CAVIN1: variants seen among roughly 807,000 people sequenced by gnomAD.
CAVIN1 encodes caveolae associated protein 1.
CAVIN1 carries 16 observed loss-of-function variants against 24.0 expected under a neutral mutation model. The observed-to-expected ratio is 0.67, with a 90% CI of 0.45 to 1.01. CAVIN1 has a LOEUF of 1.01. Ranked by LOEUF, CAVIN1 falls within the 50% of genes least tolerant of loss-of-function variation. The probability of loss-of-function intolerance (pLI) is 0.00; values close to 1 mark genes in which losing one functional copy is unlikely to be tolerated. For synonymous variants in CAVIN1, 256 were observed against 256.4 expected (o/e 1.00, Z 0.02); for missense variants, 510 against 551.7 (o/e 0.92, Z 0.76).
chr17:42,419,882 C>CGTGTGT (rs5820458), intron 1 of CAVIN1, among the ~76,000 whole-genome samples: 9,678 of 143,686 alleles, frequency 0.067, 373 homozygotes, highest in African/African-American at 0.093. Context: ...TGCTGAATTT[C>CGTGTGT]GTGTGTGTGT....
Position 42,423,171 on chromosome 17 carries a change from C to CCG in CAVIN1, c.-75_-74insCG. On this transcript the variant is annotated 5_prime_UTR_variant, in exon 1 of 2. Coordinates refer to ENST00000357037, the MANE Select transcript of CAVIN1 (RefSeq NM_012232.6). The stretch of plus-strand genomic sequence containing the variant: ...CGGGAGACCCGGAGAGAAGCAGGAG[C>CCG]GGAAGGGAGGAGAGCTAGCGGGCGA... 1 of 1,221,132 alleles carries CCG rather than the reference C, an allele frequency of 8.2e-7. No homozygotes were observed. Among genetic ancestry groups the CCG allele is most frequent in the Non-Finnish European group, 1.1e-6 (1 of 883,820 alleles). The allele number at this position is 1,221,132 out of a possible 1,614,324, so 75.6% of individuals were successfully genotyped here. A position where few individuals can be genotyped will look rare whatever the true frequency, so the allele number is the denominator to read the frequency against.
Position 42,422,801 on chromosome 17 carries a change from C to A in CAVIN1, c.297G>T (p.Ala99=), listed in dbSNP as rs760075971. The A allele has an allele frequency of 6.2e-7, 1 of 1,613,668 alleles. No individual in the cohort carries two copies. The highest frequency in any genetic ancestry group is 1.1e-5 in the South Asian group (1 of 91,018). ...IQGELSKLGK[A]HATTSNTVSK... is the part of the protein sequence containing the mutation. ...TCACCGTATTGCTCGTGGTGGCGTGCGCCTTGCCCAGCTTGCTCAGCTCGC... is the reference window on the plus strand; with the variant it reads ...TCACCGTATTGCTCGTGGTGGCGTGAGCCTTGCCCAGCTTGCTCAGCTCGC... Residue 99 remains alanine (A), a synonymous_variant, in exon 1 of 2, where the codon GCG becomes GCT. Coordinates refer to ENST00000357037, the MANE Select transcript of CAVIN1 (RefSeq NM_012232.6).
intron 1 of CAVIN1, among the ~76,000 whole-genome samples, chr17:42,412,795 T>A (rs2085487787): frequency 6.6e-6 from 1 of 151,380 alleles, no homozygotes; most frequent in African/African-American, 2.4e-5. Context: ...TTTTATACTT[T>A]TAGTAGAGAC....
At position 42,404,381 on chromosome 17, in the gene CAVIN1, C is replaced by G. The variant is rs570706046; in HGVS notation, c.*306G>C. ...AGAGGCTGAGGGGAAGGCAGCCCCC[C>G]CAGGGGGGCCTAACCGTGGAATCAC... On this transcript the variant is annotated 3_prime_UTR_variant, in exon 2 of 2. Transcript: ENST00000357037. 2 of 252,748 alleles carry G rather than the reference C, an allele frequency of 7.9e-6. No homozygotes were observed. The highest frequency in any genetic ancestry group is 1.1e-4 in the Admixed American group (2 of 17,928). 15.7% of individuals were successfully genotyped at this position (252,748 alleles called of 1,614,324 possible).
intron 1 of CAVIN1, among the ~76,000 whole-genome samples, chr17:42,408,780 C>T (rs910640533): frequency 3.4e-5 from 5 of 147,642 alleles, no homozygotes; most frequent in South Asian, 2.2e-4. Flanking sequence ...CCTAAGCCAC[C>T]GTGCCCGGCC....
intron 1 of CAVIN1, among the ~76,000 whole-genome samples, chr17:42,409,043 C>T (rs559924975): frequency 1.1e-4 from 17 of 152,226 alleles, no homozygotes; most frequent in African/African-American, 2.6e-4. Flanking sequence ...CCTCCCACCT[C>T]GGCCTCCCAA....
chr17:42,406,439 A>AT (rs1159315879), intron 1 of CAVIN1, among the ~76,000 whole-genome samples: 1 of 149,330 alleles, frequency 6.7e-6, no homozygotes, highest in Non-Finnish European at 1.5e-5. Flanking sequence ...CAGTGACACG[A>AT]TCTCTGCTGA....
chr17:42,408,500 G>GT (rs1400675244), intron 1 of CAVIN1, among the ~76,000 whole-genome samples: 13 of 132,964 alleles, frequency 9.8e-5, no homozygotes, highest in South Asian at 7.5e-4. Flanking sequence ...TAGTTTTTTT[G>GT]TTTTTTTTGA....
Position 42,403,461 on chromosome 17 carries a change from G to A in CAVIN1, c.*1226C>T, listed in dbSNP as rs1462729636. On this transcript the variant is annotated 3_prime_UTR_variant, in exon 2 of 2. Coordinates refer to ENST00000357037, the MANE Select transcript of CAVIN1 (RefSeq NM_012232.6). ...AAGAGCCCATTTGAGGGATCGGGTG[G>A]GGCTGACCTCTCTGTCTTCTTTGGA... is the stretch of plus-strand genomic sequence containing the variant. 6.5e-6 allele frequency: 1 copy of A among 152,732 alleles called. No individual in the cohort carries two copies. Among genetic ancestry groups the A allele is most frequent in the Non-Finnish European group, 1.5e-5 (1 of 68,116 alleles). The allele number at this position is 152,732 out of a possible 1,614,324, so 9.5% of individuals were successfully genotyped here. A position where few individuals can be genotyped will look rare whatever the true frequency, so the allele number is the denominator to read the frequency against.
At chr17:42,407,314 T>G (rs1030997351) in intron 1 of CAVIN1, among the ~76,000 whole-genome samples, 1 of 152,048 alleles carries the variant, frequency 6.6e-6, no homozygotes, top group African/African-American at 2.4e-5. Context: ...TGAAGACCAT[T>G]TCCCAGAATT....
intron 1 of CAVIN1, among the ~76,000 whole-genome samples, chr17:42,413,565 GGAAAAAA>G (rs2085493602): frequency 9.6e-5 from 6 of 62,608 alleles, no homozygotes; most frequent in African/African-American, 3.5e-4. Context: ...TCTCAAAAAG[GGAAAAAA>G]AAAAAAAAAA....
Position 42,404,327 on chromosome 17 carries a change from A to C in CAVIN1, c.*360T>G. 1.3e-4 allele frequency: 23 copies of C among 182,522 alleles called. No homozygotes were observed. The highest frequency in any genetic ancestry group is 1.9e-3 in the Middle Eastern group (1 of 538). 11.3% of individuals were successfully genotyped at this position (182,522 alleles called of 1,614,324 possible). On this transcript the variant is annotated 3_prime_UTR_variant, in exon 2 of 2. Transcript: ENST00000357037. The stretch of plus-strand genomic sequence containing the variant: ...AATGAAGAAGAGCTCAGTGAGCGGA[A>C]TGACAGCAGCTGGGTGGGTGGTGTG...
At chr17:42,408,790 CT>C (rs67299164) in intron 1 of CAVIN1, among the ~76,000 whole-genome samples, 11,153 of 120,630 alleles carry the variant, frequency 0.092, 426 homozygotes, top group African/African-American at 0.14. Context: ...CGTGCCCGGC[CT>C]TTTTTTTTTT....
At chr17:42,421,768 G>A (rs1313557364) in intron 1 of CAVIN1, among the ~76,000 whole-genome samples, 1 of 152,154 alleles carries the variant, frequency 6.6e-6, no homozygotes, top group Non-Finnish European at 1.5e-5. Flanking sequence ...CCCGCCGGCT[G>A]CGCTGCTGCG....
chr17:42,420,160 A>G (rs988876874), intron 1 of CAVIN1, among the ~76,000 whole-genome samples: 1 of 151,638 alleles, frequency 6.6e-6, no homozygotes, highest in Non-Finnish European at 1.5e-5. Flanking sequence ...TGGCCCCTCC[A>G]GAGAATTCAC....
chr17:42,421,795 G>A (rs2085548385), intron 1 of CAVIN1, among the ~76,000 whole-genome samples: 1 of 152,030 alleles, frequency 6.6e-6, no homozygotes. Context: ...CCCCGCCCCC[G>A]CAGGCATGCG....
In CAVIN1 at chr17:42,404,723, C is replaced by T. The variant is rs749962704; in HGVS notation, c.1137G>A (p.Ser379=). Residue 379 remains serine, a synonymous_variant, in exon 2 of 2, where the codon TCG becomes TCA. Transcript: ENST00000357037. ...CGCTCTTGTCCACCAGCACGGCGTC[C>T]GACTCCTCGGTGATCTCCAGCAGCG... The part of the protein sequence containing the change: ...VHALLEITEE[S]DAVLVDKSDS... 4 of 1,494,922 alleles carry T rather than the reference C, an allele frequency of 2.7e-6. No homozygotes were observed. Among genetic ancestry groups the T allele is most frequent in the Non-Finnish European group, 3.5e-6 (4 of 1,128,578 alleles). The allele number at this position is 1,494,922 out of a possible 1,614,324, so 92.6% of individuals were successfully genotyped here. A position where few individuals can be genotyped will look rare whatever the true frequency, so the allele number is the denominator to read the frequency against.
chr17:42,411,953 G>A (rs2085481392), intron 1 of CAVIN1: 2 of 985,330 alleles, frequency 2.0e-6, no homozygotes, highest in African/African-American at 3.5e-5. Flanking sequence ...ACTGGGGATG[G>A]TGGCCCTCCT....
chr17:42,413,835 G>T (rs1460303300), intron 1 of CAVIN1, among the ~76,000 whole-genome samples: 1 of 152,120 alleles, frequency 6.6e-6, no homozygotes, highest in African/African-American at 2.4e-5. Flanking sequence ...GCTCAGATGA[G>T]TAAATACAAA....
Sources: gnomAD v4.1 joint callset for allele counts (sites outside exome capture counted in the v4.1 genomes callset) on GRCh38, gnomAD v4.1.1 for gene constraint, MANE v1.5 for transcripts, NCBI Gene and HGNC (gene_info 2026-07-23, HGNC 2026-07-21) for gene names.